TBC1D32: variants seen among roughly 807,000 people sequenced by gnomAD.
TBC1D32 encodes protein broad-minded.
A neutral mutation model predicts 170.3 loss-of-function variants in TBC1D32; 151 were observed. The observed-to-expected ratio is 0.89, with a 90% CI of 0.78 to 1.01. The LOEUF is 1.01. Among genes scored for constraint, TBC1D32 ranks in the 50% least tolerant of loss-of-function variants. The pLI is 0.00. For missense variants in TBC1D32, 1,464 were observed against 1,457.1 expected, an observed-to-expected ratio of 1.00 and a Z score of -0.08; for synonymous variants, 498 against 488.0, an observed-to-expected ratio of 1.02 and a Z score of -0.27.
intron 30 of TBC1D32, among the ~76,000 whole-genome samples, chr6:121,097,614 C>A (rs1777573981): frequency 6.6e-6 from 1 of 152,070 alleles, no homozygotes; most frequent in African/African-American, 2.4e-5. Context: ...ATTAGTTCAA[C>A]CATTGTGGAA....
intron 21 of TBC1D32, among the ~76,000 whole-genome samples, chr6:121,214,676 A>G (rs1465114573): frequency 6.6e-6 from 1 of 152,162 alleles, no homozygotes; most frequent in Non-Finnish European, 1.5e-5. Flanking sequence ...GATCTCCTAG[A>G]TCTGGGCTAC....
intron 22 of TBC1D32, among the ~76,000 whole-genome samples, chr6:121,187,067 G>A (rs1789299944): frequency 1.3e-5 from 2 of 151,830 alleles, no homozygotes; most frequent in South Asian, 4.2e-4. Context: ...TGAGAAATAG[G>A]AATAAATGAT....
intron 17 of TBC1D32, among the ~76,000 whole-genome samples, chr6:121,251,620 A>G (rs1280918002): frequency 6.6e-6 from 1 of 152,176 alleles, no homozygotes; most frequent in East Asian, 1.9e-4. Context: ...AAACCTAGGC[A>G]ATACCATTCA....
chr6:121,109,689 A>G (rs1341853446), intron 29 of TBC1D32, among the ~76,000 whole-genome samples: 1 of 152,128 alleles, frequency 6.6e-6, no homozygotes, highest in Non-Finnish European at 1.5e-5. Flanking sequence ...TAATTAAATC[A>G]ATACATTAAA....
chr6:121,224,610 A>G (rs1007910185), intron 20 of TBC1D32, among the ~76,000 whole-genome samples: 1 of 152,098 alleles, frequency 6.6e-6, no homozygotes, highest in Non-Finnish European at 1.5e-5. Context: ...TTATTTCCAG[A>G]CTCAAGTTAC....
At chr6:121,086,965 G>A in intron 31 of TBC1D32, among the ~76,000 whole-genome samples, 1 of 152,164 alleles carries the variant, frequency 6.6e-6, no homozygotes, top group East Asian at 1.9e-4. Flanking sequence ...AATATCTACA[G>A]ACTTTCTGAA....
intron 24 of TBC1D32, among the ~76,000 whole-genome samples, chr6:121,154,797 A>T (rs72961308): frequency 0.011 from 1,704 of 152,308 alleles, 18 homozygotes; most frequent in Middle Eastern, 0.027. Context: ...ATTCATCTGA[A>T]AAAGGTCTAA....
intron 31 of TBC1D32, among the ~76,000 whole-genome samples, chr6:121,087,683 G>C (rs1776393007): frequency 6.6e-6 from 1 of 152,056 alleles, no homozygotes; most frequent in African/African-American, 2.4e-5. Flanking sequence ...ATTTATAACA[G>C]TCAGATGCTT....
intron 12 of TBC1D32, among the ~76,000 whole-genome samples, chr6:121,286,556 G>C (rs1310995710): frequency 1.3e-5 from 2 of 152,096 alleles, no homozygotes; most frequent in South Asian, 2.1e-4. Context: ...GGGGAGAATG[G>C]AACCAAGTTG....
intron 21 of TBC1D32, among the ~76,000 whole-genome samples, chr6:121,208,662 A>G (rs1792613668): frequency 6.7e-6 from 1 of 149,752 alleles, no homozygotes; most frequent in African/African-American, 2.4e-5. Flanking sequence ...GACAGAGAAG[A>G]AAAAATAGAC....
intron 26 of TBC1D32, among the ~76,000 whole-genome samples, chr6:121,123,540 A>G (rs945268034): frequency 1.3e-5 from 2 of 152,084 alleles, no homozygotes; most frequent in African/African-American, 2.4e-5. Flanking sequence ...TTCATCTGAT[A>G]TAAGTATAGT....
intron 15 of TBC1D32, among the ~76,000 whole-genome samples, chr6:121,274,434 A>T (rs115293392): frequency 1.3e-3 from 198 of 152,090 alleles, no homozygotes; most frequent in African/African-American, 4.6e-3. Flanking sequence ...GCAGAAAAAA[A>T]TTCCCAGAAA....
At chr6:121,318,186 T>G (rs1355141859) in intron 2 of TBC1D32, among the ~76,000 whole-genome samples, 1 of 151,986 alleles carries the variant, frequency 6.6e-6, no homozygotes, top group East Asian at 1.9e-4. Context: ...TATGTAAGAG[T>G]TAAGCTATCA....
intron 26 of TBC1D32, among the ~76,000 whole-genome samples, chr6:121,117,839 A>G (rs1337331690): frequency 6.6e-6 from 1 of 152,218 alleles, no homozygotes; most frequent in African/African-American, 2.4e-5. Context: ...TATTCCAAAT[A>G]CATCTCAGAC....
intron 21 of TBC1D32, among the ~76,000 whole-genome samples, chr6:121,206,168 C>T (rs983322597): frequency 6.6e-6 from 1 of 151,028 alleles, no homozygotes; most frequent in African/African-American, 2.4e-5. Context: ...CAAGATCATG[C>T]CACTGCACTC....
chr6:121,195,420 G>A (rs1790595810), intron 22 of TBC1D32, among the ~76,000 whole-genome samples: 1 of 152,148 alleles, frequency 6.6e-6, no homozygotes, highest in Admixed American at 6.5e-5. Context: ...GCATGTTACT[G>A]GGCTTTGGTG....
At chr6:121,320,401 A>G (rs894120460) in intron 2 of TBC1D32, among the ~76,000 whole-genome samples, 3 of 152,138 alleles carry the variant, frequency 2.0e-5, no homozygotes, top group African/African-American at 7.2e-5. Context: ...AAGTAGAGAT[A>G]AAAAGTAATT....
rs757104992 is a variant in TBC1D32, at chr6:121,283,898, A to G, written c.1385T>C (p.Leu462Pro). 9 of 1,605,264 alleles carry G rather than the reference A, an allele frequency of 5.6e-6. No homozygotes were observed. In the South Asian group the frequency reaches 8.9e-5, roughly 16 times the overall value. The change falls in exon 13 of 32, where the codon CTC (leucine) becomes CCC (proline). Residue 462 changes from leucine (L) to proline (P), a missense_variant. Coordinates refer to ENST00000398212, the MANE Select transcript of TBC1D32 (RefSeq NM_152730.6). Reference sequence around the variant, plus strand: ...GGTAAAAAGAACAAGCAGATCTATGAGGGATACCAAACCTTTAAAAAGAAA... The same window carrying G: ...GGTAAAAAGAACAAGCAGATCTATGGGGGATACCAAACCTTTAAAAAGAAA... ...KLKNKKGLVS[L>P]IDLLVLFTQL...
chr6:121,086,140 G>A (rs997106876), intron 31 of TBC1D32, among the ~76,000 whole-genome samples: 18 of 152,008 alleles, frequency 1.2e-4, no homozygotes, highest in African/African-American at 2.9e-4. Flanking sequence ...CTTAATAACC[G>A]CTAAGTTTTT....
Sources: gnomAD v4.1 joint callset for allele counts (sites outside exome capture counted in the v4.1 genomes callset) on GRCh38, gnomAD v4.1.1 for gene constraint, MANE v1.5 for transcripts, NCBI Gene and HGNC (gene_info 2026-07-23, HGNC 2026-07-21) for gene names.